Variants in LINGO2 observed in about 807,000 individuals in gnomAD.
The protein encoded by LINGO2 is leucine rich repeat and Ig domain containing 2, also known as leucine-rich repeat and immunoglobulin-like domain-containing nogo receptor-interacting protein 2.
Under a neutral mutation model 30.6 loss-of-function variants are expected in LINGO2, and 14 were observed. That is an observed-to-expected ratio of 0.46 (90% CI 0.30 to 0.72). LINGO2 has a LOEUF of 0.72. Ranked by LOEUF, LINGO2 falls within the 30% of genes least tolerant of loss-of-function variation. The pLI is 0.07. For missense variants in LINGO2, 729 were observed against 751.7 expected (o/e 0.97, Z 0.35); for synonymous variants, 317 against 288.5 (o/e 1.10, Z -1.00).
intron 4 of LINGO2, among the ~76,000 whole-genome samples, chr9:28,218,515 G>A (rs1042233449): frequency 5.3e-5 from 8 of 152,026 alleles, no homozygotes; most frequent in Admixed American, 2.0e-4. Context: ...AAGAACAGAT[G>A]TGACAAAGCC....
chr9:29,208,508 T>A, the LINGO2 span, among the ~76,000 whole-genome samples: 24 of 152,098 alleles, frequency 1.6e-4, no homozygotes, highest in Non-Finnish European at 2.8e-4. Context: ...ATGACACATG[T>A]TAATATCTCA....
At chr9:28,886,603 C>T in the LINGO2 span, among the ~76,000 whole-genome samples, 3 of 152,162 alleles carry the variant, frequency 2.0e-5, no homozygotes, top group South Asian at 4.2e-4. Flanking sequence ...TTGCTTATTT[C>T]TTTTCTTCCA....
At chr9:28,322,693 G>A (rs942543383) in intron 3 of LINGO2, among the ~76,000 whole-genome samples, 2 of 151,902 alleles carry the variant, frequency 1.3e-5, no homozygotes, top group Non-Finnish European at 2.9e-5. Context: ...TATGATTTGG[G>A]GTAAGTCACT....
the LINGO2 span, among the ~76,000 whole-genome samples, chr9:29,177,975 T>C: frequency 2.6e-5 from 4 of 152,118 alleles, no homozygotes; most frequent in African/African-American, 9.7e-5. Context: ...TCACCTTCTC[T>C]TCCACTTTTG....
the LINGO2 span, among the ~76,000 whole-genome samples, chr9:28,934,198 A>G: frequency 6.6e-6 from 1 of 152,224 alleles, no homozygotes; most frequent in African/African-American, 2.4e-5. Flanking sequence ...TTGCCCACAC[A>G]TGACTTTAAA....
intron 4 of LINGO2, among the ~76,000 whole-genome samples, chr9:28,026,937 G>A (rs1244039125): frequency 6.6e-6 from 1 of 152,098 alleles, no homozygotes; most frequent in East Asian, 1.9e-4. Context: ...TGTGTGTGTT[G>A]CTCACCTCTC....
chr9:28,680,958 T>C, the LINGO2 span, among the ~76,000 whole-genome samples: 2 of 152,090 alleles, frequency 1.3e-5, no homozygotes, highest in South Asian at 4.1e-4. Flanking sequence ...TATAACACCA[T>C]TAGTTTATTT....
chr9:28,505,690 C>T (rs554706473), intron 1 of LINGO2, among the ~76,000 whole-genome samples: 10 of 151,894 alleles, frequency 6.6e-5, no homozygotes, highest in Non-Finnish European at 1.3e-4. Context: ...AGACAAACAA[C>T]TGCTACATTT....
the LINGO2 span, among the ~76,000 whole-genome samples, chr9:28,772,189 A>T: frequency 6.6e-6 from 1 of 152,212 alleles, no homozygotes; most frequent in Non-Finnish European, 1.5e-5. Flanking sequence ...TGGTTTATAC[A>T]TCTGTGTCTT....
intron 4 of LINGO2, among the ~76,000 whole-genome samples, chr9:28,135,083 G>A (rs906149781): frequency 6.6e-6 from 1 of 152,138 alleles, no homozygotes; most frequent in Non-Finnish European, 1.5e-5. Flanking sequence ...AACAGTAGAA[G>A]AAATAGCATG....
chr9:28,496,371 T>C (rs896178839), intron 1 of LINGO2, among the ~76,000 whole-genome samples: 1 of 152,048 alleles, frequency 6.6e-6, no homozygotes, highest in African/African-American at 2.4e-5. Context: ...ATATTTAGGA[T>C]AGTTAGCTCT....
chr9:28,608,267 G>A (rs1212455976), intron 1 of LINGO2, among the ~76,000 whole-genome samples: 89 of 151,516 alleles, frequency 5.9e-4, no homozygotes, highest in Non-Finnish European at 1.3e-4. Flanking sequence ...AGAACACACT[G>A]ACATGGTAAG....
At chr9:28,965,837 A>C in the LINGO2 span, among the ~76,000 whole-genome samples, 1 of 152,148 alleles carries the variant, frequency 6.6e-6, no homozygotes, top group Non-Finnish European at 1.5e-5. Context: ...AGTAAATATA[A>C]ATATATCCAT....
At chr9:28,745,087 C>G in the LINGO2 span, among the ~76,000 whole-genome samples, 2 of 151,956 alleles carry the variant, frequency 1.3e-5, no homozygotes, top group Non-Finnish European at 2.9e-5. Flanking sequence ...CCATGTTCAA[C>G]CTGGGACTAA....
At chr9:28,433,800 C>T (rs1419506238) in intron 2 of LINGO2, among the ~76,000 whole-genome samples, 3 of 151,864 alleles carry the variant, frequency 2.0e-5, no homozygotes, top group Non-Finnish European at 4.4e-5. Context: ...GAAAACAAAT[C>T]ATTATATGAA....
At chr9:28,128,955 C>A (rs1406993313) in intron 4 of LINGO2, among the ~76,000 whole-genome samples, 1 of 152,200 alleles carries the variant, frequency 6.6e-6, no homozygotes, top group African/African-American at 2.4e-5. Flanking sequence ...CTAGGAAAAG[C>A]AAGCAGGAGG....
rs550378435 is a variant in LINGO2, at chr9:28,386,618, A to G, written c.-278-13750T>C. Among the ~76,000 whole-genome samples the G allele has an allele frequency of 3.4e-3, 514 of 152,312 alleles. 8 individuals are homozygous for G. The highest frequency in any genetic ancestry group is 2.7e-3 in the Non-Finnish European group (187 of 68,024). On this transcript the variant is annotated intron_variant, in intron 2 of 5. Coordinates refer to ENST00000379992, the Ensembl canonical transcript of LINGO2. Reference sequence around the variant, plus strand: ...ACTTTAATAGTCTTTTAAAACAATCATAGTTGCTTACCTCAATTAACAGAG... The same window carrying G: ...ACTTTAATAGTCTTTTAAAACAATCGTAGTTGCTTACCTCAATTAACAGAG...
chr9:28,463,831 G>A (rs1405089182), intron 2 of LINGO2, among the ~76,000 whole-genome samples: 4 of 152,054 alleles, frequency 2.6e-5, no homozygotes, highest in African/African-American at 7.2e-5. Context: ...CATTTGGCAG[G>A]AAAAAATATC....
chr9:28,507,145 T>G (rs902142196), intron 1 of LINGO2, among the ~76,000 whole-genome samples: 10 of 152,050 alleles, frequency 6.6e-5, no homozygotes, highest in African/African-American at 2.4e-4. Flanking sequence ...CAACTCTCGC[T>G]GATTGAGGCT....
Sources: gnomAD v4.1 joint callset for allele counts (sites outside exome capture counted in the v4.1 genomes callset) on GRCh38, gnomAD v4.1.1 for gene constraint, MANE v1.5 for transcripts, NCBI Gene and HGNC (gene_info 2026-07-23, HGNC 2026-07-21) for gene names.